Variants in SGCZ observed in about 807,000 individuals in gnomAD.
SGCZ encodes the protein sarcoglycan zeta.
A neutral mutation model predicts 41.3 loss-of-function variants in SGCZ; 40 were observed. That is an observed-to-expected ratio of 0.97 (90% confidence interval 0.75 to 1.26). SGCZ has a LOEUF of 1.26. SGCZ is among the 50% of genes most tolerant of loss of function. SGCZ has a pLI of 0.00. For synonymous variants in SGCZ, 206 were observed against 137.5 expected, an observed-to-expected ratio of 1.50 and a Z score of -3.49; for missense variants, 552 against 369.8, an observed-to-expected ratio of 1.49 and a Z score of -4.04.
chr8:14,624,601 C>T (rs1179810728), intron 1 of SGCZ, among the ~76,000 whole-genome samples: 45 of 121,676 alleles, frequency 3.7e-4, no homozygotes, highest in African/African-American at 1.4e-3. Context: ...GACGGAGTCT[C>T]GCTCTGTCGC....
At chr8:14,395,242 T>G (rs912991087) in intron 2 of SGCZ, among the ~76,000 whole-genome samples, 1 of 152,184 alleles carries the variant, frequency 6.6e-6, no homozygotes, top group Non-Finnish European at 1.5e-5. Context: ...ATATTAAACA[T>G]AGCCTTTGCC....
At chr8:14,634,954 T>C (rs1171693336) in intron 1 of SGCZ, among the ~76,000 whole-genome samples, 1 of 151,854 alleles carries the variant, frequency 6.6e-6, no homozygotes, top group Non-Finnish European at 1.5e-5. Context: ...TTGGTATAAT[T>C]GATGCATTAT....
intron 1 of SGCZ, among the ~76,000 whole-genome samples, chr8:15,153,099 G>C (rs1352778331): frequency 2.0e-5 from 3 of 152,160 alleles, no homozygotes; most frequent in Admixed American, 2.0e-4. Flanking sequence ...AATCATTTGA[G>C]AGACTACAGT....
intron 1 of SGCZ, among the ~76,000 whole-genome samples, chr8:14,763,737 C>T (rs79520701): frequency 0.027 from 4,147 of 152,102 alleles, 66 homozygotes; most frequent in Non-Finnish European, 0.044. Context: ...ACAGTTTAAC[C>T]ATGAAAGAGT....
At chr8:14,601,010 T>A (rs1805573355) in intron 1 of SGCZ, among the ~76,000 whole-genome samples, 1 of 150,554 alleles carries the variant, frequency 6.6e-6, no homozygotes, top group Non-Finnish European at 1.5e-5. Context: ...ATCCCTAAAA[T>A]ATATGTTTTA....
At chr8:14,217,141 C>T (rs1023922899) in intron 4 of SGCZ, among the ~76,000 whole-genome samples, 6 of 151,848 alleles carry the variant, frequency 4.0e-5, no homozygotes, top group Non-Finnish European at 5.9e-5. Flanking sequence ...CGCACACACA[C>T]AAAAAGTTAG....
intron 1 of SGCZ, among the ~76,000 whole-genome samples, chr8:14,621,401 C>T (rs942760842): frequency 6.6e-6 from 1 of 150,618 alleles, no homozygotes; most frequent in Non-Finnish European, 1.5e-5. Context: ...CAAACCTGCA[C>T]GTTGTGCACA....
At chr8:14,397,769 T>C (rs909272853) in intron 2 of SGCZ, among the ~76,000 whole-genome samples, 3 of 152,142 alleles carry the variant, frequency 2.0e-5, no homozygotes, top group African/African-American at 7.2e-5. Context: ...TTCCCCTTCA[T>C]CATCTGTCAC....
At chr8:14,402,039 G>T (rs1177963397) in intron 2 of SGCZ, among the ~76,000 whole-genome samples, 6 of 152,088 alleles carry the variant, frequency 3.9e-5, no homozygotes, top group African/African-American at 9.7e-5. Context: ...TGATGGCCAT[G>T]GATGATGAGC....
chr8:14,870,719 C>T (rs908724839), intron 1 of SGCZ, among the ~76,000 whole-genome samples: 2 of 149,206 alleles, frequency 1.3e-5, no homozygotes, highest in African/African-American at 4.9e-5. Context: ...GAATCTTAAA[C>T]AAGTTTACAA....
intron 2 of SGCZ, among the ~76,000 whole-genome samples, chr8:14,398,739 G>C (rs1255480086): frequency 6.6e-6 from 1 of 152,096 alleles, no homozygotes; most frequent in African/African-American, 2.4e-5. Flanking sequence ...GATATGCATT[G>C]TTAAACTACA....
chr8:15,061,526 T>C (rs1310519634), intron 1 of SGCZ, among the ~76,000 whole-genome samples: 3 of 120,670 alleles, frequency 2.5e-5, no homozygotes, highest in African/African-American at 3.9e-5. Flanking sequence ...GAACTTACAG[T>C]ATATAAAAAA....
chr8:14,554,669 G>C (rs1224617355), intron 2 of SGCZ, 63 bp downstream of exon 2: 14 of 1,334,828 alleles, frequency 1.0e-5, no homozygotes, highest in African/African-American at 1.5e-5. Flanking sequence ...AAAAATTAAA[G>C]TAACAGAGCT....
chr8:14,839,431 T>G (rs1053568781), intron 1 of SGCZ, among the ~76,000 whole-genome samples: 2 of 152,178 alleles, frequency 1.3e-5, no homozygotes, highest in African/African-American at 4.8e-5. Flanking sequence ...AGATGTCAAG[T>G]ATGCAGTTGG....
chr8:14,596,280 C>G (rs1314226619), intron 1 of SGCZ, among the ~76,000 whole-genome samples: 2 of 152,126 alleles, frequency 1.3e-5, no homozygotes, highest in Non-Finnish European at 2.9e-5. Flanking sequence ...AGGTTGTGCA[C>G]TAACTGAATT....
intron 1 of SGCZ, among the ~76,000 whole-genome samples, chr8:14,901,925 A>G (rs915543004): frequency 6.6e-6 from 1 of 152,188 alleles, no homozygotes; most frequent in African/African-American, 2.4e-5. Flanking sequence ...TGTTTACATC[A>G]CCTAGCAAGA....
chr8:14,908,672 C>T (rs1799190225), intron 1 of SGCZ, among the ~76,000 whole-genome samples: 1 of 146,518 alleles, frequency 6.8e-6, no homozygotes, highest in African/African-American at 2.6e-5. Flanking sequence ...ATCGCTGGAA[C>T]CTGGGAGGCG....
chr8:14,815,229 A>G (rs1364083810), intron 1 of SGCZ, among the ~76,000 whole-genome samples: 2 of 148,634 alleles, frequency 1.3e-5, no homozygotes, highest in Non-Finnish European at 3.0e-5. Context: ...ACTTGAGTAG[A>G]TTATCTCAAT....
intron 2 of SGCZ, among the ~76,000 whole-genome samples, chr8:14,417,750 T>C (rs1255202897): frequency 6.6e-6 from 1 of 151,732 alleles, no homozygotes; most frequent in Non-Finnish European, 1.5e-5. Context: ...AAGGTAACTA[T>C]GTAAGGTGAT....
Sources: allele counts gnomAD v4.1 joint callset (sites outside exome capture counted in the v4.1 genomes callset), GRCh38; gene constraint gnomAD v4.1.1; transcripts MANE v1.5; gene names NCBI Gene and HGNC (gene_info 2026-07-23, HGNC 2026-07-21).